The following PTPRD variants were observed in gnomAD, a reference collection of about 807,000 sequenced individuals.
PTPRD encodes protein tyrosine phosphatase receptor type D.
Under a neutral mutation model 214.5 loss-of-function variants are expected in PTPRD, and 34 were observed. That is an observed-to-expected ratio of 0.16 (90% CI 0.12 to 0.21). The LOEUF is 0.21. PTPRD is among the 10% of genes least tolerant of loss of function. The pLI is 1.00. For missense variants in PTPRD, 2,545 were observed against 2,398.7 expected (o/e 1.06, Z -1.27); for synonymous variants, 1,128 against 845.7 (o/e 1.33, Z -5.79).
chr9:9,600,584 T>C (rs1300544740), intron 7 of PTPRD, among the ~76,000 whole-genome samples: 1 of 152,114 alleles, frequency 6.6e-6, no homozygotes, highest in Non-Finnish European at 1.5e-5. Context: ...AGTTTGGGTA[T>C]CTGTCTGTCA....
chr9:9,697,650 A>G (rs2097405490), intron 7 of PTPRD, among the ~76,000 whole-genome samples: 1 of 152,086 alleles, frequency 6.6e-6, no homozygotes, highest in Non-Finnish European at 1.5e-5. Flanking sequence ...TAATTATTAT[A>G]TGCCTTGGGG....
intron 3 of PTPRD, among the ~76,000 whole-genome samples, chr9:10,142,426 G>T (rs374325296): frequency 6.6e-6 from 1 of 151,236 alleles, no homozygotes; most frequent in African/African-American, 2.4e-5. Context: ...ACAAATTTAC[G>T]AGAAAAAAAC....
chr9:10,269,468 G>C (rs1034455200), intron 3 of PTPRD, among the ~76,000 whole-genome samples: 1 of 152,020 alleles, frequency 6.6e-6, no homozygotes, highest in African/African-American at 2.4e-5. Context: ...CCTGTTCTGA[G>C]GGTTGCTTTC....
chr9:8,634,882 C>T (rs996842273), intron 13 of PTPRD, among the ~76,000 whole-genome samples: 15 of 151,476 alleles, frequency 9.9e-5, no homozygotes, highest in Non-Finnish European at 1.8e-4. Context: ...ACACATTACA[C>T]GCCAGTGATG....
At chr9:8,425,589 TG>T (rs1452867781) in intron 35 of PTPRD, among the ~76,000 whole-genome samples, 3 of 152,202 alleles carry the variant, frequency 2.0e-5, no homozygotes, top group Non-Finnish European at 2.9e-5. Flanking sequence ...CTCCAAGTCA[TG>T]GGTACTCTGG....
chr9:10,271,535 T>A, intron 3 of PTPRD, among the ~76,000 whole-genome samples: 1 of 57,986 alleles, frequency 1.7e-5, no homozygotes. Flanking sequence ...CAATTGTTTC[T>A]TTTCTTTTCT....
intron 11 of PTPRD, among the ~76,000 whole-genome samples, chr9:8,833,245 C>T (rs1217066844): frequency 1.3e-5 from 2 of 152,110 alleles, no homozygotes; most frequent in Non-Finnish European, 2.9e-5. Context: ...CAGTATTCTA[C>T]TACCCCTTAG....
In PTPRD at chr9:8,499,724, C is replaced by T. The variant is rs759878846; in HGVS notation, c.2245G>A (p.Val749Met). Residue 749 changes from valine (V) to methionine (M), a missense_variant, in exon 25 of 46, where the codon GTG becomes ATG. By Grantham distance (21) the Val-to-Met change is conservative (BLOSUM62 1). Coordinates refer to ENST00000381196, the MANE Select transcript of PTPRD (RefSeq NM_002839.4). The stretch of plus-strand genomic sequence containing the variant: ...CCATTTTCCATCCTCACATAATGCA[C>T]CTGATATCCTCTTATCTGGCCATGC... ...KQHGQIRGYQ[V>M]HYVRMENGEP... 1 of 1,614,108 alleles carries T rather than the reference C, an allele frequency of 6.2e-7. No individual in the cohort carries two copies. Among genetic ancestry groups the T allele is most frequent in the Non-Finnish European group, 8.5e-7 (1 of 1,180,000 alleles).
At chr9:9,151,716 C>T (rs115632447) in intron 10 of PTPRD, among the ~76,000 whole-genome samples, 5,097 of 152,124 alleles carry the variant, frequency 0.034, 299 homozygotes, top group African/African-American at 0.12. Flanking sequence ...TTTTGTTTTT[C>T]AGTTCATCAG....
chr9:9,990,937 C>CTT (rs5896359), intron 4 of PTPRD, among the ~76,000 whole-genome samples: 7,170 of 141,596 alleles, frequency 0.051, 433 homozygotes, highest in African/African-American at 0.14. Flanking sequence ...GTAAAATAGT[C>CTT]TTTTTTTTTT....
At chr9:10,257,394 C>G (rs897573081) in intron 3 of PTPRD, among the ~76,000 whole-genome samples, 3 of 152,112 alleles carry the variant, frequency 2.0e-5, no homozygotes, top group Non-Finnish European at 4.4e-5. Flanking sequence ...CTATGGCAAA[C>G]CAGGGGCATC....
At chr9:10,465,514 T>G (rs149622905) in intron 2 of PTPRD, among the ~76,000 whole-genome samples, 55 of 152,288 alleles carry the variant, frequency 3.6e-4, no homozygotes, top group African/African-American at 8.4e-4. Flanking sequence ...AATGACAGAC[T>G]GCTTATACAA....
Position 8,528,598 on chromosome 9 carries a change from T to G in PTPRD, c.534A>C (p.Leu178Phe), listed in dbSNP as rs2074873792. Residue 178 changes from leucine (L) to phenylalanine (F), a missense_variant, in exon 15 of 46, where the codon TTA becomes TTC. Transcript: ENST00000381196. ...ACAGTAACAAGACCCTACCTGATCG[T>G]AACTGCTTAATACGACCATTGTTGT... ...TSNNNGRIKQLRSESIGGTPI... is the reference protein window; with the variant it reads ...TSNNNGRIKQFRSESIGGTPI... 6.2e-7 allele frequency: 1 copy of G among 1,613,610 alleles called. No homozygotes were observed. Among genetic ancestry groups the G allele is most frequent in the African/African-American group, 1.3e-5 (1 of 74,888 alleles).
chr9:9,335,265 T>C (rs2043979259), intron 9 of PTPRD, among the ~76,000 whole-genome samples: 1 of 152,082 alleles, frequency 6.6e-6, no homozygotes, highest in South Asian at 2.1e-4. Context: ...CCCAGTTGAA[T>C]TACTCATCAC....
At chr9:9,663,659 C>T (rs2096660891) in intron 7 of PTPRD, among the ~76,000 whole-genome samples, 1 of 151,592 alleles carries the variant, frequency 6.6e-6, no homozygotes, top group African/African-American at 2.4e-5. Flanking sequence ...CGCTTCATAT[C>T]CAAATGATCA....
intron 12 of PTPRD, among the ~76,000 whole-genome samples, chr9:8,715,120 C>G (rs1368979): frequency 0.46 from 70,023 of 151,100 alleles, 16,345 homozygotes; most frequent in Middle Eastern, 0.49. Flanking sequence ...TGTGAATGCA[C>G]AAAAGATCTA....
intron 5 of PTPRD, among the ~76,000 whole-genome samples, chr9:9,768,576 T>A (rs762404102): frequency 2.0e-5 from 3 of 146,978 alleles, no homozygotes; most frequent in Non-Finnish European, 4.4e-5. Flanking sequence ...ATGGCAGTAC[T>A]TTTTTTTTGG....
At chr9:8,753,855 T>C (rs928972380) in intron 11 of PTPRD, among the ~76,000 whole-genome samples, 3 of 152,164 alleles carry the variant, frequency 2.0e-5, no homozygotes, top group Non-Finnish European at 4.4e-5. Flanking sequence ...AAAAGACTCA[T>C]TATTGTAGGC....
chr9:8,561,217 C>T (rs2086172435), intron 14 of PTPRD, among the ~76,000 whole-genome samples: 1 of 152,094 alleles, frequency 6.6e-6, no homozygotes, highest in African/African-American at 2.4e-5. Flanking sequence ...GGTGTCTTCG[C>T]TTTAATCTTT....
Sources: gnomAD v4.1 joint callset for allele counts (sites outside exome capture counted in the v4.1 genomes callset) on GRCh38, gnomAD v4.1.1 for gene constraint, MANE v1.5 for transcripts, NCBI Gene and HGNC (gene_info 2026-07-23, HGNC 2026-07-21) for gene names.